The following APAF1 variants were observed in gnomAD, a reference collection of about 807,000 sequenced individuals.
The protein encoded by APAF1 is apoptotic protease-activating factor 1.
In APAF1, 91 loss-of-function variants were observed where a neutral mutation model predicts 152.4. The observed-to-expected ratio is 0.60, with a 90% CI of 0.50 to 0.71. The LOEUF is 0.71. Among genes scored for constraint, APAF1 ranks in the 30% least tolerant of loss-of-function variants. The pLI is 0.00. For synonymous variants in APAF1, 484 were observed against 494.1 expected, an observed-to-expected ratio of 0.98 and a Z score of 0.27; for missense variants, 1,283 against 1,472.0, an observed-to-expected ratio of 0.87 and a Z score of 2.10.
chr12:98,715,404 T>G, intron 21 of APAF1, 23 bp from the exon 22 acceptor site: 1 of 1,611,252 alleles, frequency 6.2e-7, no homozygotes, highest in Middle Eastern at 1.7e-4. Context: ...CTTCTTAATT[T>G]TCTGTGTTTT....
At chr12:98,680,921 T>C (rs779402537) in intron 14 of APAF1, among the ~76,000 whole-genome samples, 13 of 152,228 alleles carry the variant, frequency 8.5e-5, no homozygotes, top group Admixed American at 2.0e-4. Context: ...TGTTGTAAGA[T>C]ACAATTTTAA....
chr12:98,676,798 C>CA (rs2153322280), intron 12 of APAF1, among the ~76,000 whole-genome samples: 1 of 152,210 alleles, frequency 6.6e-6, no homozygotes, highest in Admixed American at 6.5e-5. Flanking sequence ...AGGCACGTGC[C>CA]ACCACACCCA....
chr12:98,702,343 G>T (rs1217277383), intron 17 of APAF1, among the ~76,000 whole-genome samples: 1 of 152,070 alleles, frequency 6.6e-6, no homozygotes, highest in African/African-American at 2.4e-5. Flanking sequence ...GGGATTACAG[G>T]CGTGAGCCAC....
chr12:98,711,260 CCTTT>C (rs1311234891), intron 20 of APAF1, among the ~76,000 whole-genome samples: 1 of 152,156 alleles, frequency 6.6e-6, no homozygotes, highest in East Asian at 1.9e-4. Flanking sequence ...ATTTGTGCAA[CCTTT>C]CTTTAATGAC....
At chr12:98,702,929 G>A (rs1237596018) in intron 17 of APAF1, among the ~76,000 whole-genome samples, 1 of 151,864 alleles carries the variant, frequency 6.6e-6, no homozygotes, top group Non-Finnish European at 1.5e-5. Context: ...GACTATAATG[G>A]AGCAATTTGG....
At chr12:98,713,528 A>C in intron 21 of APAF1, among the ~76,000 whole-genome samples, 1 of 152,244 alleles carries the variant, frequency 6.6e-6, no homozygotes, top group East Asian at 1.9e-4. Flanking sequence ...TCCTTAATTT[A>C]TCTAACAAGA....
rs560528912 is a variant in APAF1, at chr12:98,689,976, T to G, written c.2304+3103T>G. ...TGCAGGGAACTTGACATCTTTTTGT[T>G]GTATTATACCTTTCTTTGTAACTCA... On this transcript the variant is annotated intron_variant, in intron 16 of 26. Transcript: ENST00000551964. Among the ~76,000 whole-genome samples, 3 of 152,316 alleles carry G rather than the reference T, an allele frequency of 2.0e-5. No homozygotes were observed. In the East Asian group the frequency reaches 5.8e-4, roughly 29 times the overall value.
chr12:98,677,473 C>T lies in APAF1; in HGVS notation c.1842C>T (p.His614=). The T allele has an allele frequency of 6.2e-7, 1 of 1,614,128 alleles. No homozygotes were observed. The highest frequency in any genetic ancestry group is 1.1e-5 in the South Asian group (1 of 91,080). The change falls in exon 13 of 27, where the codon CAC becomes CAT. Residue 614 remains histidine (H), a synonymous_variant. Transcript: ENST00000551964. ...TNLSRLVVRP[H]TDAVYHACFS... ...TTTCCCGCTTAGTTGTCCGCCCCCA[C>T]ACAGATGCTGTTTACCATGCCTGCT...
At chr12:98,671,131 T>A in intron 11 of APAF1, 45 bp downstream of exon 11, 1 of 1,074,460 alleles carries the variant, frequency 9.3e-7, no homozygotes, top group Admixed American at 1.9e-5. Flanking sequence ...AGGAATCTCA[T>A]TTTTTTTTAC....
chr12:98,659,094 A>G (rs1028790470), intron 4 of APAF1, 66 bp from the exon 5 acceptor site: 18 of 1,463,014 alleles, frequency 1.2e-5, no homozygotes, highest in Non-Finnish European at 1.6e-5. Flanking sequence ...GATGCTTAAC[A>G]GTAAAACCAT....
At chr12:98,653,691 A>ATATAAATAT (rs1429273147) in intron 4 of APAF1, among the ~76,000 whole-genome samples, 2 of 15,090 alleles carry the variant, frequency 1.3e-4, no homozygotes, top group Non-Finnish European at 2.6e-4. Context: ...AAAAAAAAAA[A>ATATAAATAT]ATATATATAT....
At chr12:98,661,485 T>G (rs760203216) in intron 5 of APAF1, among the ~76,000 whole-genome samples, 1 of 152,132 alleles carries the variant, frequency 6.6e-6, no homozygotes, top group Non-Finnish European at 1.5e-5. Context: ...ATTTTTATTT[T>G]TATTTTTTTA....
intron 5 of APAF1, among the ~76,000 whole-genome samples, chr12:98,661,658 G>A (rs1466476417): frequency 4.0e-5 from 6 of 151,624 alleles, no homozygotes; most frequent in African/African-American, 9.7e-5. Context: ...TATTAGAGAC[G>A]GGGTTTCTCC....
chr12:98,691,132 G>A (rs947559166), intron 16 of APAF1, among the ~76,000 whole-genome samples: 5 of 152,110 alleles, frequency 3.3e-5, no homozygotes, highest in African/African-American at 4.8e-5. Context: ...GCTTGAACCC[G>A]GGAGGCGGAA....
chr12:98,648,454 A>G lies in APAF1; in HGVS notation c.95A>G (p.Asp32Gly). 6.2e-7 allele frequency: 1 copy of G among 1,614,074 alleles called. No homozygotes were observed. Among genetic ancestry groups the G allele is most frequent in the Non-Finnish European group, 8.5e-7 (1 of 1,179,970 alleles). Reference sequence around the variant, plus strand: ...TACATCATGGATCACATGATTAGTGATGGATTTTTAACAATATCAGAAGAG... The same window carrying G: ...TACATCATGGATCACATGATTAGTGGTGGATTTTTAACAATATCAGAAGAG... ...TSYIMDHMIS[D>G]GFLTISEEEK... Residue 32 changes from aspartate (D) to glycine (G), a missense_variant, in exon 2 of 27, where the codon GAT becomes GGT. Transcript: ENST00000551964.
intron 20 of APAF1, 62 bp from the exon 21 acceptor site, chr12:98,712,257 G>T (rs895032404): frequency 2.2e-6 from 2 of 904,796 alleles, no homozygotes; most frequent in Non-Finnish European, 3.7e-6. Flanking sequence ...TGAAGCCTCT[G>T]TTCTGACGAA....
rs749134752 is a variant in APAF1, at chr12:98,648,737, G to T, written c.250G>T (p.Ala84Ser). ...ALLHEGYKDL[A>S]ALLHDGIPVV... is the part of the protein sequence containing the mutation. ...ACTACATGAAGGATATAAAGATCTT[G>T]CTGCCCTTCTCCATGATGGCATTCC... Residue 84 changes from alanine to serine, a missense_variant, in exon 3 of 27, where the codon GCT becomes TCT. Ala to Ser is a moderately conservative substitution (Grantham distance 99). Coordinates refer to ENST00000551964, the MANE Select transcript of APAF1 (RefSeq NM_181861.2). 2.5e-6 allele frequency: 4 copies of T among 1,613,846 alleles called. No individual in the cohort carries two copies. Among genetic ancestry groups the T allele is most frequent in the Non-Finnish European group, 3.4e-6 (4 of 1,179,938 alleles).
chr12:98,649,080 T>G, intron 3 of APAF1: 2 of 834,134 alleles, frequency 2.4e-6, no homozygotes, highest in Non-Finnish European at 3.6e-6. Context: ...TTATAGGCCC[T>G]TGTTTATTTT....
chr12:98,670,927 T>G (rs769413101), intron 10 of APAF1, 46 bp from the exon 11 acceptor site: 1 of 1,205,740 alleles, frequency 8.3e-7, no homozygotes, highest in East Asian at 2.3e-5. Context: ...CCTAAAATTT[T>G]TTGATCTCTA....
Sources: gnomAD v4.1 joint callset for allele counts (sites outside exome capture counted in the v4.1 genomes callset) on GRCh38, gnomAD v4.1.1 for gene constraint, MANE v1.5 for transcripts, NCBI Gene and HGNC (gene_info 2026-07-23, HGNC 2026-07-21) for gene names.